Variants in DIAPH3 observed in about 807,000 individuals in gnomAD.
The protein encoded by DIAPH3 is diaphanous related formin 3.
DIAPH3 carries 117 observed loss-of-function variants against 144.3 expected under a neutral mutation model. The observed-to-expected ratio is 0.81, with a 90% confidence interval of 0.70 to 0.95. DIAPH3 has a LOEUF of 0.95. DIAPH3 is among the 40% of genes least tolerant of loss of function. The pLI is 0.00. For missense variants in DIAPH3, 1,421 were observed against 1,412.7 expected (o/e 1.01, Z -0.09); for synonymous variants, 519 against 488.9 (o/e 1.06, Z -0.81).
Position 59,924,873 on chromosome 13 carries a change from G to A in DIAPH3, c.2075-3C>T. ...AATATCTTCCTCTTCTCTTCTCTCTGTAAAACCAAGATAGATCCATGTTAG... is the reference window on the plus strand; with the variant it reads ...AATATCTTCCTCTTCTCTTCTCTCTATAAAACCAAGATAGATCCATGTTAG... On this transcript the variant is annotated splice_polypyrimidine_tract_variant and splice_region_variant and intron_variant, in intron 17 of 27. Coordinates refer to ENST00000400324, the MANE Select transcript of DIAPH3 (RefSeq NM_001042517.2). 2 of 1,597,178 alleles carry A rather than the reference G, an allele frequency of 1.3e-6. No individual in the cohort carries two copies. Among genetic ancestry groups the A allele is most frequent in the Non-Finnish European group, 1.7e-6 (2 of 1,168,588 alleles).
Position 59,924,889 on chromosome 13 carries a change from T to A in DIAPH3, c.2075-19A>T. 1 of 1,594,016 alleles carries A rather than the reference T, an allele frequency of 6.3e-7. No homozygotes were observed. Among genetic ancestry groups the A allele is most frequent in the East Asian group, 2.3e-5 (1 of 44,094 alleles). ...CTTCTCTCTGTAAAACCAAGATAGA[T>A]CCATGTTAGGGGCAGCAATTCATTC... On this transcript the variant is annotated intron_variant, in intron 17 of 27. Transcript: ENST00000400324.
At chr13:59,734,727 T>C (rs982670645) in intron 27 of DIAPH3, among the ~76,000 whole-genome samples, 6 of 152,320 alleles carry the variant, frequency 3.9e-5, no homozygotes, top group Admixed American at 6.5e-5. Context: ...CATAAACCAA[T>C]AGCAATTCCA....
chr13:59,795,782 G>A (rs909600862), intron 25 of DIAPH3, among the ~76,000 whole-genome samples: 1 of 152,114 alleles, frequency 6.6e-6, no homozygotes, highest in Non-Finnish European at 1.5e-5. Flanking sequence ...TGGGTGGCTT[G>A]CTATGGTTTC....
chr13:59,700,824 A>T (rs965566840), intron 27 of DIAPH3, among the ~76,000 whole-genome samples: 3 of 152,228 alleles, frequency 2.0e-5, no homozygotes, highest in Non-Finnish European at 4.4e-5. Flanking sequence ...TTGTTAAATC[A>T]ACCATAAATG....
Position 59,856,130 on chromosome 13 carries a change from C to G in DIAPH3, c.2737+5277G>C, listed in dbSNP as rs1032081058. ...CAAAAGAGGAATTGAAGCATACTTG[C>G]AATTATTTCAAAACATCTGATAATT... On this transcript the variant is annotated intron_variant, in intron 22 of 27. Transcript: ENST00000400324. Among the ~76,000 whole-genome samples the G allele has an allele frequency of 3.9e-5, 6 of 152,034 alleles. No individual in the cohort carries two copies. The South Asian group carries it at 1.2e-3, about 32-fold the overall frequency.
At chr13:60,004,048 TCTC>T (rs1156851466) in intron 9 of DIAPH3, among the ~76,000 whole-genome samples, 1 of 152,186 alleles carries the variant, frequency 6.6e-6, no homozygotes, top group South Asian at 2.1e-4. Context: ...TTCTCCTTAT[TCTC>T]CTTTAAAAAA....
intron 2 of DIAPH3, among the ~76,000 whole-genome samples, chr13:60,125,821 C>T (rs1390409976): frequency 1.3e-5 from 2 of 151,782 alleles, no homozygotes; most frequent in South Asian, 2.1e-4. Flanking sequence ...CAATAGGAAG[C>T]TGCCAGAGTC....
chr13:59,982,221 C>T (rs771665181), intron 13 of DIAPH3, among the ~76,000 whole-genome samples: 2 of 151,348 alleles, frequency 1.3e-5, no homozygotes, highest in African/African-American at 4.8e-5. Flanking sequence ...TACATAAGCA[C>T]GCATCACTTA....
At chr13:59,974,281 G>T in intron 15 of DIAPH3, 71 bp downstream of exon 15, 1 of 1,076,126 alleles carries the variant, frequency 9.3e-7, no homozygotes. Flanking sequence ...TTGATGCTAT[G>T]AAGATATAAC....
intron 3 of DIAPH3, among the ~76,000 whole-genome samples, chr13:60,106,676 T>C (rs1430103171): frequency 6.6e-6 from 1 of 151,844 alleles, no homozygotes; most frequent in Non-Finnish European, 1.5e-5. Flanking sequence ...CAAATCAATA[T>C]GAAAAAGACG....
At chr13:59,810,949 A>T (rs751090945) in intron 24 of DIAPH3, 26 bp from the exon 25 acceptor site, 2 of 1,583,846 alleles carry the variant, frequency 1.3e-6, no homozygotes, top group Non-Finnish European at 1.7e-6. Flanking sequence ...AAAATGATCA[A>T]TTTTAACCAG....
intron 10 of DIAPH3, 125 bp from the exon 11 acceptor site, chr13:59,992,311 T>A: frequency 9.8e-7 from 1 of 1,021,350 alleles, no homozygotes; most frequent in African/African-American, 1.6e-5. Flanking sequence ...TTTAAAGTGT[T>A]AAATAACACT....
chr13:59,670,790 A>G (rs1257455548), intron 27 of DIAPH3, among the ~76,000 whole-genome samples: 2 of 152,050 alleles, frequency 1.3e-5, no homozygotes, highest in Non-Finnish European at 2.9e-5. Flanking sequence ...TCACTGTGTT[A>G]GCCAGGATGG....
chr13:59,861,621 T>C (rs1566429654), intron 21 of DIAPH3, 85 bp from the exon 22 acceptor site: 1 of 1,422,404 alleles, frequency 7.0e-7, no homozygotes, highest in Non-Finnish European at 9.8e-7. Context: ...TACTGTATTT[T>C]GTAGATAAGG....
chr13:59,865,474 T>G (rs373146337), intron 21 of DIAPH3, among the ~76,000 whole-genome samples: 1 of 152,066 alleles, frequency 6.6e-6, no homozygotes, highest in African/African-American at 2.4e-5. Context: ...TATTTAAACT[T>G]TAACAGTCAG....
intron 27 of DIAPH3, among the ~76,000 whole-genome samples, chr13:59,746,098 T>G (rs1388730021): frequency 3.3e-5 from 5 of 152,222 alleles, no homozygotes; most frequent in Non-Finnish European, 7.3e-5. Flanking sequence ...TAATATTACC[T>G]ATTTAGCATG....
At position 60,026,287 on chromosome 13, in the gene DIAPH3, T is replaced by C. The variant is rs548065633; in HGVS notation, c.627-10142A>G. 1.8e-4 allele frequency among the ~76,000 whole-genome samples: 27 copies of C among 152,208 alleles called. No homozygotes were observed. The East Asian group carries it at 5.0e-3, about 28-fold the overall frequency. On this transcript the variant is annotated intron_variant, in intron 5 of 27. Coordinates refer to ENST00000400324, the MANE Select transcript of DIAPH3 (RefSeq NM_001042517.2). ...AACACATAATTGGGGAAAGGGGTAC[T>C]TTTTCTATGAAAACTAAGCGTAATG...
intron 20 of DIAPH3, among the ~76,000 whole-genome samples, chr13:59,902,413 T>A (rs1354767433): frequency 6.6e-6 from 1 of 152,172 alleles, no homozygotes; most frequent in African/African-American, 2.4e-5. Context: ...CTCCTGAGGC[T>A]TTCCCAGAGG....
At chr13:60,152,865 G>A (rs1377760341) in intron 1 of DIAPH3, among the ~76,000 whole-genome samples, 5 of 151,914 alleles carry the variant, frequency 3.3e-5, no homozygotes, top group Admixed American at 6.6e-5. Context: ...CTAAACAAAG[G>A]ACTAAGGTGA....
Sources: allele counts gnomAD v4.1 joint callset (sites outside exome capture counted in the v4.1 genomes callset), GRCh38; gene constraint gnomAD v4.1.1; transcripts MANE v1.5; gene names NCBI Gene and HGNC (gene_info 2026-07-23, HGNC 2026-07-21).